The following MED12L variants were observed in gnomAD, a reference collection of about 807,000 sequenced individuals.
The protein encoded by MED12L is mediator of RNA polymerase II transcription subunit 12-like protein.
MED12L carries 60 observed loss-of-function variants against 281.3 expected under a neutral mutation model. The observed-to-expected ratio is 0.21, with a 90% CI of 0.17 to 0.26. The LOEUF (loss-of-function observed/expected upper bound fraction) is 0.26. Ranked by LOEUF, MED12L falls within the 10% of genes least tolerant of loss-of-function variation. The pLI is 1.00. For synonymous variants in MED12L, 974 were observed against 987.2 expected (o/e 0.99, Z 0.25); for missense variants, 2,146 against 2,680.9 (o/e 0.80, Z 4.41).
At chr3:151,288,242 A>C (rs1743808604) in intron 16 of MED12L, among the ~76,000 whole-genome samples, 1 of 152,250 alleles carries the variant, frequency 6.6e-6, no homozygotes, top group East Asian at 1.9e-4. Flanking sequence ...TACACAGTGA[A>C]GAATTGTCCC....
chr3:151,159,087 T>G (rs899509381), intron 7 of MED12L, among the ~76,000 whole-genome samples: 3 of 151,626 alleles, frequency 2.0e-5, no homozygotes, highest in African/African-American at 7.3e-5. Context: ...TTTAAAATAC[T>G]GTCTCCATAT....
intron 2 of MED12L, among the ~76,000 whole-genome samples, chr3:151,097,625 G>A (rs1485497995): frequency 2.0e-5 from 3 of 152,236 alleles, no homozygotes; most frequent in Non-Finnish European, 4.4e-5. Context: ...TTCAACTGGC[G>A]AGGGGCGAGA....
At chr3:151,101,203 A>G (rs1045643676) in intron 2 of MED12L, among the ~76,000 whole-genome samples, 1 of 152,208 alleles carries the variant, frequency 6.6e-6, no homozygotes, top group Admixed American at 6.5e-5. Context: ...CTAATTCATT[A>G]GTTTTATTTA....
chr3:151,416,508 A>C, intron 43 of MED12L, 86 bp downstream of exon 43: 12 of 1,444,742 alleles, frequency 8.3e-6, no homozygotes, highest in Non-Finnish European at 9.5e-6. Context: ...ATTGTTAAGA[A>C]TCGACAAAGC....
intron 16 of MED12L, among the ~76,000 whole-genome samples, chr3:151,223,869 C>T (rs1729923295): frequency 6.6e-6 from 1 of 152,304 alleles, no homozygotes; most frequent in South Asian, 2.1e-4. Flanking sequence ...TTGCCTACTC[C>T]TGGGGAGGGA....
chr3:151,200,634 A>G (rs929495820), intron 16 of MED12L, among the ~76,000 whole-genome samples: 12 of 152,250 alleles, frequency 7.9e-5, no homozygotes, highest in African/African-American at 2.9e-4. Flanking sequence ...AAACAGATGA[A>G]TAAGGCAGAT....
intron 16 of MED12L, among the ~76,000 whole-genome samples, chr3:151,280,324 A>T (rs926285695): frequency 1.3e-5 from 2 of 152,186 alleles, no homozygotes; most frequent in Non-Finnish European, 2.9e-5. Flanking sequence ...GCTGATTTGC[A>T]TGTACTGTTC....
chr3:151,149,747 G>A (rs1315265684), intron 5 of MED12L, among the ~76,000 whole-genome samples: 3 of 152,160 alleles, frequency 2.0e-5, no homozygotes, highest in Non-Finnish European at 2.9e-5. Flanking sequence ...TTTCATCAAC[G>A]AAGTTTATGG....
intron 16 of MED12L, among the ~76,000 whole-genome samples, chr3:151,302,392 A>G (rs1746056954): frequency 6.6e-6 from 1 of 152,246 alleles, no homozygotes; most frequent in Admixed American, 6.5e-5. Flanking sequence ...TCTGGTAACT[A>G]AGAGATCACA....
At chr3:151,159,775 T>G in intron 7 of MED12L, 57 bp from the exon 8 acceptor site, 3 of 1,492,784 alleles carry the variant, frequency 2.0e-6, no homozygotes, top group Non-Finnish European at 2.7e-6. Context: ...GTTAAAATAG[T>G]TATTTAACCA....
At position 151,436,592 on chromosome 3, in the gene MED12L, T is replaced by C. The variant is rs1720252119; in HGVS notation, c.*3788T>C. The stretch of plus-strand genomic sequence containing the variant: ...TTCATTGTAAATTTAATACTGTAAA[T>C]GTATTCAAATTCATTTACATGCCTA... On this transcript the variant is annotated 3_prime_UTR_variant, in exon 45 of 45. Transcript: ENST00000687756. 2.5e-6 allele frequency: 2 copies of C among 795,972 alleles called. No homozygotes were observed. The highest frequency in any genetic ancestry group is 4.1e-6 in the Non-Finnish European group (2 of 490,512). 49.3% of individuals were successfully genotyped at this position (795,972 alleles called of 1,614,324 possible). A position where few individuals can be genotyped will look rare whatever the true frequency, so the allele number is the denominator to read the frequency against.
chr3:151,328,796 A>C, intron 16 of MED12L: 3 of 1,613,998 alleles, frequency 1.9e-6, no homozygotes, highest in Non-Finnish European at 2.5e-6. Flanking sequence ...CAAGTCGGCC[A>C]CCAAAGTGTT....
In MED12L at chr3:151,376,218, A is replaced by G. The variant is rs1458540181; in HGVS notation, c.4053+4A>G. On this transcript the variant is annotated splice_donor_region_variant and intron_variant, in intron 28 of 44. Coordinates refer to ENST00000687756, the MANE Select transcript of MED12L (RefSeq NM_001393769.1). ...GCACATTAAGCGTATTCTTCAGGTCAGTCGTATACAGATTGTGTTTCTGTC... is the reference window on the plus strand; with the variant it reads ...GCACATTAAGCGTATTCTTCAGGTCGGTCGTATACAGATTGTGTTTCTGTC... 2.1e-6 allele frequency: 3 copies of G among 1,448,664 alleles called. No individual in the cohort carries two copies. Among genetic ancestry groups the G allele is most frequent in the Non-Finnish European group, 2.7e-6 (3 of 1,094,626 alleles). The allele number at this position is 1,448,664 out of a possible 1,614,324, so 89.7% of individuals were successfully genotyped here. A position where few individuals can be genotyped will look rare whatever the true frequency, so the allele number is the denominator to read the frequency against.
chr3:151,344,542 C>T (rs979412542), intron 16 of MED12L, among the ~76,000 whole-genome samples: 1 of 152,066 alleles, frequency 6.6e-6, no homozygotes, highest in African/African-American at 2.4e-5. Flanking sequence ...TTTATTGTTT[C>T]TAAAGACTGG....
intron 31 of MED12L, 95 bp from the exon 32 acceptor site, chr3:151,380,018 A>T: frequency 1.3e-6 from 1 of 744,574 alleles, no homozygotes; most frequent in Non-Finnish European, 2.2e-6. Flanking sequence ...CACCTCTCTT[A>T]TTTATCTAAT....
chr3:151,159,892 C>T lies in MED12L; in HGVS notation c.898C>T (p.Arg300Trp), dbSNP rs1431486855. ...TCGTCGTCTTGCCTACTTTTGTGCCCGGCGTCTTTCCTTGCTGCTGAGCGA... is the reference window on the plus strand; with the variant it reads ...TCGTCGTCTTGCCTACTTTTGTGCCTGGCGTCTTTCCTTGCTGCTGAGCGA... ...LSRRLAYFCA[R>W]RLSLLLSDSP... is the part of the protein sequence containing the mutation. The change falls in exon 8 of 45, where the codon CGG becomes TGG. Residue 300 changes from arginine to tryptophan, a missense_variant. Physicochemically the swap from Arg to Trp is moderately radical, Grantham distance 101. This residue lies in a region of MED12L where 722 missense variants were observed against 861.2 expected (regional missense o/e 0.84). Coordinates refer to ENST00000687756, the MANE Select transcript of MED12L (RefSeq NM_001393769.1). 9.9e-6 allele frequency: 16 copies of T among 1,614,030 alleles called. No individual in the cohort carries two copies. The highest frequency in any genetic ancestry group is 3.3e-5 in the Admixed American group (2 of 60,002).
chr3:151,264,089 GAAGAA>G (rs1187005665), intron 16 of MED12L, among the ~76,000 whole-genome samples: 1 of 152,150 alleles, frequency 6.6e-6, no homozygotes, highest in East Asian at 1.9e-4. Context: ...TCATTTCACT[GAAGAA>G]AAGAATCATA....
chr3:151,163,869 C>G (rs762937022), intron 8 of MED12L, 24 bp from the exon 9 acceptor site: 3 of 1,602,116 alleles, frequency 1.9e-6, no homozygotes, highest in Middle Eastern at 1.7e-4. Flanking sequence ...TCTGAACATC[C>G]AACTTTATCT....
At chr3:151,286,466 C>G (rs1444788807) in intron 16 of MED12L, among the ~76,000 whole-genome samples, 1 of 152,170 alleles carries the variant, frequency 6.6e-6, no homozygotes, top group Non-Finnish European at 1.5e-5. Context: ...AAGCAATAGG[C>G]ACTAACTCAG....
Sources: allele counts gnomAD v4.1 joint callset (sites outside exome capture counted in the v4.1 genomes callset), GRCh38; gene constraint gnomAD v4.1.1; regional missense constraint gnomAD v4.1.1; transcripts MANE v1.5; gene names NCBI Gene and HGNC (gene_info 2026-07-23, HGNC 2026-07-21).